FOXN1: variants seen among roughly 807,000 people sequenced by gnomAD.
FOXN1 encodes forkhead box protein N1.
A neutral mutation model predicts 49.0 loss-of-function variants in FOXN1; 15 were observed. That is an observed-to-expected ratio of 0.31 (90% CI 0.20 to 0.47). The LOEUF (loss-of-function observed/expected upper bound fraction) is 0.47. Among genes scored for constraint, FOXN1 ranks in the 20% least tolerant of loss-of-function variants. The probability of loss-of-function intolerance (pLI) is 1.00; values close to 1 mark genes in which losing one functional copy is unlikely to be tolerated. For missense variants in FOXN1, 800 were observed against 842.8 expected, an observed-to-expected ratio of 0.95 and a Z score of 0.63; for synonymous variants, 356 against 369.0, an observed-to-expected ratio of 0.96 and a Z score of 0.40.
At chr17:28,507,802 C>T (rs531529415) in intron 1 of FOXN1, among the ~76,000 whole-genome samples, 18 of 152,310 alleles carry the variant, frequency 1.2e-4, no homozygotes, top group African/African-American at 4.1e-4. Flanking sequence ...ACAGGCAGTA[C>T]AAGGGCACCC....
At chr17:28,517,444 A>AT (rs2069542534) in intron 1 of FOXN1, among the ~76,000 whole-genome samples, 1 of 148,490 alleles carries the variant, frequency 6.7e-6, no homozygotes, top group Non-Finnish European at 1.5e-5. Context: ...CAGGGTACAC[A>AT]CCTCCACAGG....
rs146091703 is a variant in FOXN1 at position 28,523,977 on chromosome 17, C to T, written c.8C>T (p.Ser3Leu). 33 of 1,612,554 alleles carry T rather than the reference C, an allele frequency of 2.0e-5. No individual in the cohort carries two copies. The Admixed American group carries it at 4.0e-4, about 20-fold the overall frequency. Residue 3 changes from serine to leucine, a missense_variant, in exon 2 of 9, where the codon TCG (serine) becomes TTG (leucine). Around this residue, in one of 3 missense-constraint regions of FOXN1, gnomAD observed 383 missense variants for 357.9 expected, o/e 1.07. Coordinates refer to ENST00000579795, the MANE Select transcript of FOXN1 (RefSeq NM_001369369.1). MV[S>L]LPPPQSDVTL... Reference sequence around the variant, plus strand: ...TGAGGCCAGGACTGGGTGATGGTGTCGCTACCCCCGCCGCAGTCTGACGTC... The same window carrying T: ...TGAGGCCAGGACTGGGTGATGGTGTTGCTACCCCCGCCGCAGTCTGACGTC...
chr17:28,527,351 C>A lies in FOXN1; in HGVS notation c.689C>A (p.Pro230His), dbSNP rs368285745. ...CATATGTACTGCTCCTCCCAGCCCC[C>A]CTTCCACCAGGTGGGTCTGGGGCAA... ...LQHMYCSSQPPFHQYSPGGGS... is the reference protein window; with the variant it reads ...LQHMYCSSQPHFHQYSPGGGS... Residue 230 changes from proline to histidine, a missense_variant, in exon 4 of 9, where the codon CCC (proline) becomes CAC (histidine). Pro to His is a moderately conservative substitution (Grantham distance 77). Transcript: ENST00000579795. 15 of 1,608,420 alleles carry A rather than the reference C, an allele frequency of 9.3e-6. 1 individual carries two copies. In the African/African-American group the frequency reaches 1.7e-4, roughly 19 times the overall value.
intron 1 of FOXN1, among the ~76,000 whole-genome samples, chr17:28,521,577 C>A (rs951076952): frequency 1.3e-5 from 2 of 152,240 alleles, no homozygotes; most frequent in African/African-American, 4.8e-5. Context: ...CAGCTCGGCG[C>A]TTCCCTGGTC....
rs141857607 is a variant in FOXN1, at chr17:28,537,344, G to C, written c.1855G>C (p.Ala619Pro). 3.8e-5 allele frequency: 62 copies of C among 1,613,226 alleles called. No homozygotes were observed. Among genetic ancestry groups the C allele is most frequent in the Non-Finnish European group, 4.8e-5 (57 of 1,179,644 alleles). ...CCTGCACCTCACCACCCTCTACTCT[G>C]CCTTTATGGAGCTGGAGCCCACGCC... ...GDLHLTTLYS[A>P]FMELEPTPPT... Residue 619 changes from alanine (A) to proline (P), a missense_variant, in exon 9 of 9, where the codon GCC becomes CCC. Transcript: ENST00000579795.
Position 28,534,710 on chromosome 17 carries a change from A to G in FOXN1, c.1139A>G (p.Glu380Gly). 1 of 1,613,404 alleles carries G rather than the reference A, an allele frequency of 6.2e-7. No homozygotes were observed. Among genetic ancestry groups the G allele is most frequent in the Non-Finnish European group, 8.5e-7 (1 of 1,179,936 alleles). The change falls in exon 8 of 9, where the codon GAG becomes GGG. Residue 380 changes from glutamate (E) to glycine (G), a missense_variant. Around this residue, in one of 3 missense-constraint regions of FOXN1, gnomAD observed 344 missense variants for 366.1 expected, o/e 0.94. Coordinates refer to ENST00000579795, the MANE Select transcript of FOXN1 (RefSeq NM_001369369.1). This position sits in a 1 kb window ranked among gnomAD's most constrained non-coding sequence, Gnocchi z 4.1. ...CTTTCTCTCTTGGGCCTTTCAGAAG[A>G]GCTGGACAGCCTCATTGGAGACAAG... ...AVRKSMAKPE[E>G]LDSLIGDKRE...
chr17:28,525,496 T>C (rs1239669398), intron 3 of FOXN1, among the ~76,000 whole-genome samples: 1 of 152,188 alleles, frequency 6.6e-6, no homozygotes, highest in African/African-American at 2.4e-5. Context: ...TGTCCTTCCA[T>C]AGCCTGACCT....
intron 1 of FOXN1, among the ~76,000 whole-genome samples, chr17:28,517,263 G>GT (rs201374394): frequency 1.4e-4 from 15 of 105,574 alleles, no homozygotes; most frequent in East Asian, 2.9e-4. Flanking sequence ...CCTCCACAGG[G>GT]ACACACCTCC....
chr17:28,534,411 AG>A lies in FOXN1; in HGVS notation c.1010del (p.Gly337GlufsTer213), dbSNP rs2151497970. The stretch of plus-strand genomic sequence containing the variant: ...GCTTCGAGAAGGTGGAGAACAAATC[AG>A]GAAGTTCCTCCCGCAAGGGCTGCCT... ...KCFEKVENKS[G>X]SSSRKGCLWA... On this transcript the variant is annotated frameshift_variant, in exon 7 of 9. Transcript: ENST00000579795. LOFTEE classifies it high-confidence loss of function. The surrounding 1 kb of genome is among the most constrained non-coding windows in gnomAD (Gnocchi z 4.1). 6.2e-7 allele frequency: 1 copy of A among 1,614,224 alleles called. No homozygotes were observed. Among genetic ancestry groups the A allele is most frequent in the Non-Finnish European group, 8.5e-7 (1 of 1,180,024 alleles).
intron 1 of FOXN1, among the ~76,000 whole-genome samples, chr17:28,515,399 C>T (rs2069474489): frequency 6.6e-6 from 1 of 151,830 alleles, no homozygotes; most frequent in Non-Finnish European, 1.5e-5. Flanking sequence ...GTACACCCTC[C>T]ACAGGTGTGC....
intron 1 of FOXN1, 140 bp from the exon 2 acceptor site, chr17:28,523,792 TTCTCTCTCTCTCTCTCTCTCTCTC>T: frequency 1.5e-6 from 1 of 647,982 alleles, no homozygotes; most frequent in Non-Finnish European, 2.8e-6. Context: ...CGCTCTCTGG[TTCTCTCTCTCTCTCTCTCTCTCTC>T]TCTCTCTCTC....
chr17:28,524,853 C>T lies in FOXN1; in HGVS notation c.474C>T (p.Phe158=), dbSNP rs772285056. The change falls in exon 3 of 9, where the codon TTC becomes TTT. Residue 158 remains phenylalanine (F), a synonymous_variant. Coordinates refer to ENST00000579795, the MANE Select transcript of FOXN1 (RefSeq NM_001369369.1). The part of the protein sequence containing the change: ...SFKTPGPLEA[F]EEIPVDVAEA... ...AGACCCCAGGGCCGCTGGAGGCCTTCGAGGAGATCCCAGTGGACGTGGCGG... is the reference window on the plus strand; with the variant it reads ...AGACCCCAGGGCCGCTGGAGGCCTTTGAGGAGATCCCAGTGGACGTGGCGG... The T allele has an allele frequency of 5.0e-6, 8 of 1,613,620 alleles. No individual in the cohort carries two copies. Among genetic ancestry groups the T allele is most frequent in the South Asian group, 1.1e-5 (1 of 91,086 alleles).
chr17:28,536,215 T>C (rs2070061377), intron 8 of FOXN1, among the ~76,000 whole-genome samples: 1 of 152,198 alleles, frequency 6.6e-6, no homozygotes, highest in African/African-American at 2.4e-5. Context: ...TTTAGGAAGC[T>C]ATTAGAAAAG....
intron 1 of FOXN1, among the ~76,000 whole-genome samples, chr17:28,507,411 C>G (rs550037985): frequency 6.6e-6 from 1 of 152,202 alleles, no homozygotes; most frequent in Admixed American, 6.5e-5. Context: ...GGGGATATGT[C>G]TGGATGTGCT....
rs1434657873 is a variant in FOXN1 at position 28,535,206 on chromosome 17, G to A, written c.1627+8G>A. On this transcript the variant is annotated splice_region_variant and intron_variant, in intron 8 of 8. Coordinates refer to ENST00000579795, the MANE Select transcript of FOXN1 (RefSeq NM_001369369.1). ...CTGACTTCGACTTCCAGGGTGAGCT[G>A]GGGGTGGGAAAGGGAAGGTGGGACA... The A allele has an allele frequency of 1.2e-6, 2 of 1,612,040 alleles. No individual in the cohort carries two copies. The highest frequency in any genetic ancestry group is 1.7e-5 in the Admixed American group (1 of 59,936).
chr17:28,537,110 C>T lies in FOXN1; in HGVS notation c.1628-7C>T. The T allele has an allele frequency of 6.2e-7, 1 of 1,612,908 alleles. No individual in the cohort carries two copies. Among genetic ancestry groups the T allele is most frequent in the Non-Finnish European group, 8.5e-7 (1 of 1,178,896 alleles). The stretch of plus-strand genomic sequence containing the variant: ...CAGTGACACCTGTTCTCTCCTTCCC[C>T]ATCTAGGAAACCTGTGGGAACAGTT... On this transcript the variant is annotated splice_region_variant and splice_polypyrimidine_tract_variant and intron_variant, in intron 8 of 8. Transcript: ENST00000579795.
rs1297363497 is a variant in FOXN1, at chr17:28,527,261, T to C, written c.599T>C (p.Val200Ala). Residue 200 changes from valine (V) to alanine (A), a missense_variant, in exon 4 of 9, where the codon GTC becomes GCC. By Grantham distance (64) the Val-to-Ala change is moderately conservative (BLOSUM62 0). Around this residue, in one of 3 missense-constraint regions of FOXN1, gnomAD observed 383 missense variants for 357.9 expected, o/e 1.07. Coordinates refer to ENST00000579795, the MANE Select transcript of FOXN1 (RefSeq NM_001369369.1). ...TTTCTCTTCCAGCAGGGTTCAGAGG[T>C]CAAAGTCAAGCCCCCAGTTCTGGAG... Reference protein sequence around the residue: ...EHGPQVLGSEVKVKPPVLESG... With the variant: ...EHGPQVLGSEAKVKPPVLESG... 3.7e-6 allele frequency: 6 copies of C among 1,612,416 alleles called. No homozygotes were observed. Among genetic ancestry groups the C allele is most frequent in the Non-Finnish European group, 5.1e-6 (6 of 1,178,494 alleles).
At chr17:28,535,258 G>A (rs760121466) in intron 8 of FOXN1, 60 bp downstream of exon 8, 190 of 1,565,324 alleles carry the variant, frequency 1.2e-4, no homozygotes, top group Non-Finnish European at 1.6e-4. Context: ...CCTGGCAGTG[G>A]GACTCATCTT....
chr17:28,535,332 C>A, intron 8 of FOXN1, 134 bp downstream of exon 8: 1 of 929,536 alleles, frequency 1.1e-6, no homozygotes. Context: ...GCAGAGGAGG[C>A]TGGACCTGGC....
Sources: gnomAD v4.1 joint callset for allele counts (sites outside exome capture counted in the v4.1 genomes callset) on GRCh38, gnomAD v4.1.1 for gene constraint, gnomAD v4.1.1 regional missense constraint, Gnocchi (gnomAD v3.1) non-coding constraint, MANE v1.5 for transcripts, NCBI Gene and HGNC (gene_info 2026-07-23, HGNC 2026-07-21) for gene names.